PTPRN2: variants seen among roughly 807,000 people sequenced by gnomAD.
The protein encoded by PTPRN2 is receptor-type tyrosine-protein phosphatase N2.
In PTPRN2, 74 loss-of-function variants were observed where a neutral mutation model predicts 118.8. The ratio of observed to expected loss-of-function variants is 0.62; its 90% CI spans 0.52 to 0.76. PTPRN2 has a LOEUF of 0.76. Among genes scored for constraint, PTPRN2 ranks in the 30% least tolerant of loss-of-function variants. PTPRN2 has a pLI of 0.00. For synonymous variants in PTPRN2, 641 were observed against 608.0 expected (o/e 1.05, Z -0.80); for missense variants, 1,481 against 1,394.4 (o/e 1.06, Z -0.99).
chr7:157,901,546 A>G (rs146452206), intron 11 of PTPRN2, among the ~76,000 whole-genome samples: 10 of 152,332 alleles, frequency 6.6e-5, no homozygotes, highest in African/African-American at 2.4e-4. Flanking sequence ...TGCTCTTAAC[A>G]TAGTTTATTT....
chr7:157,919,834 T>G (rs1432400994), intron 11 of PTPRN2, among the ~76,000 whole-genome samples: 1 of 152,194 alleles, frequency 6.6e-6, no homozygotes, highest in Non-Finnish European at 1.5e-5. Flanking sequence ...GGTGGTCCCA[T>G]AAGAGTATGA....
intron 11 of PTPRN2, among the ~76,000 whole-genome samples, chr7:157,927,346 G>A (rs1337332350): frequency 5.7e-4 from 54 of 94,902 alleles, no homozygotes; most frequent in African/African-American, 1.9e-3. Flanking sequence ...CCAGGGACCC[G>A]TCTGAGAGCA....
chr7:158,043,286 C>G (rs1808603381), intron 11 of PTPRN2, among the ~76,000 whole-genome samples: 1 of 152,142 alleles, frequency 6.6e-6, no homozygotes, highest in Admixed American at 6.5e-5. Context: ...GGTTTTAATC[C>G]CATGGACAGA....
intron 2 of PTPRN2, among the ~76,000 whole-genome samples, chr7:158,395,166 C>T (rs1268585052): frequency 6.6e-6 from 1 of 151,894 alleles, no homozygotes; most frequent in Middle Eastern, 3.2e-3. Flanking sequence ...CAGGAGCCTC[C>T]GGAGTCTGGG....
intron 11 of PTPRN2, among the ~76,000 whole-genome samples, chr7:157,913,254 A>C (rs1309846624): frequency 6.6e-6 from 1 of 152,220 alleles, no homozygotes; most frequent in Admixed American, 6.5e-5. Flanking sequence ...TGACTTTTGC[A>C]TGATTTCATA....
chr7:158,574,856 C>T lies in PTPRN2; in HGVS notation c.112+12702G>A, dbSNP rs1292604753. The stretch of plus-strand genomic sequence containing the variant: ...GAGTGTCCTGCCTACTGCAGGATGT[C>T]GAACAACGTCCCTGTCCGCCATCCA... On this transcript the variant is annotated intron_variant, in intron 1 of 22. Transcript: ENST00000389418. This position sits in a 1 kb window ranked among gnomAD's most constrained non-coding sequence, Gnocchi z 4.6. Among the ~76,000 whole-genome samples the T allele has an allele frequency of 6.6e-6, 1 of 152,180 alleles. No individual in the cohort carries two copies. The highest frequency in any genetic ancestry group is 1.5e-5 in the Non-Finnish European group (1 of 68,036).
intron 6 of PTPRN2, among the ~76,000 whole-genome samples, chr7:158,165,207 C>G (rs1349593915): frequency 8.3e-6 from 1 of 120,222 alleles, no homozygotes; most frequent in Non-Finnish European, 1.8e-5. Context: ...AGTGAAGACC[C>G]TGATGGTGTC....
chr7:158,125,847 G>A (rs555131971), intron 9 of PTPRN2, among the ~76,000 whole-genome samples: 1 of 152,230 alleles, frequency 6.6e-6, no homozygotes, highest in South Asian at 2.1e-4. Flanking sequence ...CTCTAACAAG[G>A]AAGGACGAGC....
intron 11 of PTPRN2, among the ~76,000 whole-genome samples, chr7:158,001,708 C>T (rs1450682829): frequency 5.9e-5 from 9 of 152,192 alleles, no homozygotes; most frequent in African/African-American, 1.9e-4. Flanking sequence ...GCTGAGAGCC[C>T]GGCACTGCCT....
In PTPRN2 at chr7:157,662,451, C is replaced by T. The variant is rs181136456; in HGVS notation, c.2002-5900G>A. On this transcript the variant is annotated intron_variant, in intron 13 of 22. Coordinates refer to ENST00000389418, the MANE Select transcript of PTPRN2 (RefSeq NM_002847.5). Reference sequence around the variant, plus strand: ...CTCCCACGCCACCCAGAGCTGGGCACGAGTGACCGCAAGAAGCGATGGGAA... The same window carrying T: ...CTCCCACGCCACCCAGAGCTGGGCATGAGTGACCGCAAGAAGCGATGGGAA... 1.2e-3 allele frequency among the ~76,000 whole-genome samples: 188 copies of T among 152,244 alleles called. 1 individual carries two copies. The highest frequency in any genetic ancestry group is 1.9e-3 in the Non-Finnish European group (132 of 68,010).
chr7:158,520,611 C>G (rs978584921), intron 1 of PTPRN2, among the ~76,000 whole-genome samples: 1 of 152,228 alleles, frequency 6.6e-6, no homozygotes, highest in African/African-American at 2.4e-5. Flanking sequence ...CTTCCAAGCT[C>G]TGGGCGGCCT....
chr7:158,154,761 T>C (rs201221167), intron 6 of PTPRN2, among the ~76,000 whole-genome samples: 5 of 23,934 alleles, frequency 2.1e-4, no homozygotes, highest in Non-Finnish European at 4.3e-4. Context: ...AAAAAAATCA[T>C]AAGTATATAA....
intron 10 of PTPRN2, among the ~76,000 whole-genome samples, chr7:158,091,489 G>A (rs1814119777): frequency 6.6e-6 from 1 of 152,216 alleles, no homozygotes; most frequent in African/African-American, 2.4e-5. Flanking sequence ...TTACTAGCAT[G>A]CTCTCTGCTG....
intron 12 of PTPRN2, among the ~76,000 whole-genome samples, chr7:157,693,424 G>C (rs1193052691): frequency 6.6e-6 from 1 of 152,082 alleles, no homozygotes; most frequent in Non-Finnish European, 1.5e-5. Flanking sequence ...CGCTGGCGAC[G>C]GGGTAGGCTC....
At chr7:158,495,832 C>T (rs548579881) in intron 1 of PTPRN2, among the ~76,000 whole-genome samples, 2 of 152,276 alleles carry the variant, frequency 1.3e-5, no homozygotes, top group South Asian at 2.1e-4. Flanking sequence ...TCAGGCAGCC[C>T]TGCGGTCAGG....
chr7:157,568,191 C>T (rs941985499), intron 21 of PTPRN2, among the ~76,000 whole-genome samples: 9 of 152,216 alleles, frequency 5.9e-5, no homozygotes, highest in Admixed American at 2.0e-4. Flanking sequence ...CTTTTCCACG[C>T]TGCTGCTGGA....
At chr7:158,543,353 G>A (rs757574410) in intron 1 of PTPRN2, among the ~76,000 whole-genome samples, 7 of 152,214 alleles carry the variant, frequency 4.6e-5, no homozygotes, top group Non-Finnish European at 7.3e-5. Flanking sequence ...CACAACGGCC[G>A]CCCCGCCGGC....
At chr7:158,470,226 T>C (rs187337662) in intron 2 of PTPRN2, among the ~76,000 whole-genome samples, 128 of 152,400 alleles carry the variant, frequency 8.4e-4, no homozygotes, top group Non-Finnish European at 3.5e-4. Flanking sequence ...AAATTTATTC[T>C]GTTTTGCAGA....
intron 13 of PTPRN2, among the ~76,000 whole-genome samples, chr7:157,659,435 G>A (rs1231696268): frequency 3.2e-5 from 4 of 124,246 alleles, no homozygotes; most frequent in Non-Finnish European, 5.1e-5. Flanking sequence ...GTGGATAGCC[G>A]CAGGGACAGG....
Sources: gnomAD v4.1 joint callset for allele counts (sites outside exome capture counted in the v4.1 genomes callset) on GRCh38, gnomAD v4.1.1 for gene constraint, Gnocchi (gnomAD v3.1) non-coding constraint, MANE v1.5 for transcripts, NCBI Gene and HGNC (gene_info 2026-07-23, HGNC 2026-07-21) for gene names.